The following CHD1 variants were observed in gnomAD, a reference collection of about 807,000 sequenced individuals.
CHD1 encodes the protein ATP-dependent chromatin remodeler CHD1.
CHD1 carries 36 observed loss-of-function variants against 224.2 expected under a neutral mutation model. The ratio of observed to expected loss-of-function variants is 0.16; its 90% CI spans 0.12 to 0.21. CHD1 has a LOEUF of 0.21. Among genes scored for constraint, CHD1 ranks in the 10% least tolerant of loss-of-function variants. The probability of loss-of-function intolerance (pLI) is 1.00; values close to 1 mark genes in which losing one functional copy is unlikely to be tolerated. For missense variants in CHD1, 1,378 were observed against 1,994.8 expected (o/e 0.69, Z 5.89); for synonymous variants, 668 against 658.3 (o/e 1.01, Z -0.23).
intron 23 of CHD1, among the ~76,000 whole-genome samples, chr5:98,879,169 G>A (rs1580403721): frequency 6.6e-6 from 1 of 152,212 alleles, no homozygotes; most frequent in East Asian, 1.9e-4. Context: ...GGGAGGTTAA[G>A]GTTGCAGTGA....
At chr5:98,896,107 A>G in intron 12 of CHD1, 119 bp downstream of exon 12, 2 of 805,076 alleles carry the variant, frequency 2.5e-6, no homozygotes, top group East Asian at 5.3e-5. Flanking sequence ...GTGAGCCAAG[A>G]TCATACCACT....
intron 29 of CHD1, among the ~76,000 whole-genome samples, chr5:98,870,454 GA>G (rs938627721): frequency 1.2e-4 from 18 of 145,554 alleles, no homozygotes; most frequent in South Asian, 2.2e-4. Flanking sequence ...TCTAAAACTA[GA>G]AAAAAAAAAC....
chr5:98,902,973 A>C lies in CHD1; in HGVS notation c.373-9T>G, dbSNP rs996965234. On this transcript the variant is annotated splice_polypyrimidine_tract_variant and intron_variant, in intron 4 of 35. Transcript: ENST00000614616. ...TCACTGCTAGAGGAATCCTGTAGAA[A>C]AGAAATAAAGTCAGTATCATCCACT... The C allele has an allele frequency of 6.4e-7, 1 of 1,560,076 alleles. No individual in the cohort carries two copies. The highest frequency in any genetic ancestry group is 8.8e-7 in the Non-Finnish European group (1 of 1,135,758).
At chr5:98,901,551 A>G (rs552745959) in intron 5 of CHD1, among the ~76,000 whole-genome samples, 1 of 152,306 alleles carries the variant, frequency 6.6e-6, no homozygotes, top group South Asian at 2.1e-4. Context: ...TCACTTAGTT[A>G]TACGTCAGTG....
intron 2 of CHD1, among the ~76,000 whole-genome samples, chr5:98,924,178 G>C (rs1170571972): frequency 6.6e-6 from 1 of 151,952 alleles, no homozygotes; most frequent in Non-Finnish European, 1.5e-5. Flanking sequence ...CCAGGAGGTG[G>C]AGGCAGAGGC....
Position 98,856,615 on chromosome 5 carries a change from G to A in CHD1, c.4898C>T (p.Ser1633Phe). 1.2e-6 allele frequency: 2 copies of A among 1,613,088 alleles called. No individual in the cohort carries two copies. The highest frequency in any genetic ancestry group is 1.7e-6 in the Non-Finnish European group (2 of 1,179,128). ...LKDRSHSDHR[S>F]HSDHRLHSDH... ...TGAATGTAACCGATGATCTGAGTGA[G>A]AACGATGATCAGAATGAGATCTATC... The change falls in exon 36 of 36, where the codon TCT becomes TTT. Residue 1633 changes from serine to phenylalanine, a missense_variant. This residue lies in a region of CHD1 where 278 missense variants were observed against 298.5 expected (regional missense o/e 0.93). Transcript: ENST00000614616.
intron 31 of CHD1, among the ~76,000 whole-genome samples, chr5:98,865,604 G>C (rs572465015): frequency 6.6e-6 from 1 of 152,194 alleles, no homozygotes; most frequent in Admixed American, 6.5e-5. Flanking sequence ...TTTCTTGACT[G>C]CTAAATTATA....
chr5:98,896,610 A>G (rs1462186029), intron 11 of CHD1, among the ~76,000 whole-genome samples, 168 bp from the exon 12 acceptor site: 3 of 152,172 alleles, frequency 2.0e-5, no homozygotes, highest in Non-Finnish European at 2.9e-5. Flanking sequence ...GTATCTGGCT[A>G]AAGACTTAAT....
intron 1 of CHD1, among the ~76,000 whole-genome samples, 160 bp from the exon 2 acceptor site, chr5:98,926,694 A>G (rs1405925347): frequency 6.6e-6 from 1 of 152,148 alleles, no homozygotes; most frequent in Non-Finnish European, 1.5e-5. Context: ...TAGACTTGTA[A>G]TAACTACACT....
At chr5:98,878,071 A>G (rs1459770530) in intron 23 of CHD1, among the ~76,000 whole-genome samples, 2 of 152,210 alleles carry the variant, frequency 1.3e-5, no homozygotes, top group East Asian at 3.8e-4. Flanking sequence ...AGCAGGTAAG[A>G]GGAGATCAGC....
intron 12 of CHD1, among the ~76,000 whole-genome samples, chr5:98,895,248 TATTTA>T (rs1303593100): frequency 6.6e-6 from 1 of 150,470 alleles, no homozygotes; most frequent in Non-Finnish European, 1.5e-5. Context: ...GAAAAGGTCT[TATTTA>T]AGAAAACATA....
chr5:98,893,675 T>G, intron 13 of CHD1, 69 bp from the exon 14 acceptor site: 1 of 900,022 alleles, frequency 1.1e-6, no homozygotes, highest in Non-Finnish European at 1.7e-6. Context: ...CCATTTAATC[T>G]GAACTCAATT....
Position 98,872,611 on chromosome 5 carries a change from A to G in CHD1, c.3572-56T>C. The G allele has an allele frequency of 3.5e-6, 5 of 1,428,142 alleles. No homozygotes were observed. The South Asian group carries it at 5.9e-5, about 17-fold the overall frequency. 88.5% of individuals were successfully genotyped at this position (1,428,142 alleles called of 1,614,324 possible). Reference sequence around the variant, plus strand: ...TAAAAGTATAAAACATAATTCTACAAAACACCAAGCAACTGATGCTATTAC... The same window carrying G: ...TAAAAGTATAAAACATAATTCTACAGAACACCAAGCAACTGATGCTATTAC... On this transcript the variant is annotated intron_variant, in intron 26 of 35. Transcript: ENST00000614616.
intron 2 of CHD1, among the ~76,000 whole-genome samples, chr5:98,910,395 T>A (rs1752314537): frequency 6.6e-6 from 1 of 152,148 alleles, no homozygotes; most frequent in African/African-American, 2.4e-5. Context: ...TAAAGTCAGG[T>A]AAAATAATTT....
chr5:98,905,266 G>A (rs1751969379), intron 2 of CHD1, among the ~76,000 whole-genome samples, 168 bp from the exon 3 acceptor site: 1 of 152,086 alleles, frequency 6.6e-6, no homozygotes. Flanking sequence ...AGTAACAACT[G>A]CCATAGTTGA....
chr5:98,873,523 C>G, intron 26 of CHD1, 70 bp downstream of exon 26: 1 of 1,192,212 alleles, frequency 8.4e-7, no homozygotes, highest in Non-Finnish European at 1.1e-6. Flanking sequence ...GATATAATAT[C>G]TAGCTCAATA....
intron 8 of CHD1, 81 bp from the exon 9 acceptor site, chr5:98,898,845 T>G: frequency 2.6e-6 from 2 of 763,952 alleles, no homozygotes; most frequent in East Asian, 5.0e-5. Flanking sequence ...ACACTATTTG[T>G]AGCACAAAAT....
At position 98,867,795 on chromosome 5, in the gene CHD1, GTT is replaced by G. The variant is rs71619163; in HGVS notation, c.4248+698_4248+699del. 4.0e-4 allele frequency among the ~76,000 whole-genome samples: 39 copies of G among 98,056 alleles called. 1 individual carries two copies. Among genetic ancestry groups the G allele is most frequent in the Admixed American group, 2.1e-3 (17 of 7,920 alleles). 64.3% of individuals were successfully genotyped at this position (98,056 alleles called of 152,430 possible). On this transcript the variant is annotated intron_variant, in intron 31 of 35. Transcript: ENST00000614616. ...ACCTTGGCCTCCTTTTATCTTCCTTGTTTTTTTTTTTTTTTTTTTTTTTGAGA... is the reference window on the plus strand; with the variant it reads ...ACCTTGGCCTCCTTTTATCTTCCTTGTTTTTTTTTTTTTTTTTTTTTGAGA...
Position 98,918,770 on chromosome 5 carries a change from A to AC in CHD1, c.53+7563_53+7564insG, listed in dbSNP as rs1554082142. 2.6e-3 allele frequency among the ~76,000 whole-genome samples: 214 copies of AC among 81,662 alleles called. 1 individual carries two copies. The highest frequency in any genetic ancestry group is 9.7e-3 in the African/African-American group (207 of 21,408). The allele number at this position is 81,662 out of a possible 152,430, so 53.6% of individuals were successfully genotyped here. ...AGACTCTTCAAAAAAAAAAAAAAAC[A>AC]AAAAAAAAAACTTCCTCTCCAACAC... On this transcript the variant is annotated intron_variant, in intron 2 of 35. Coordinates refer to ENST00000614616, the MANE Select transcript of CHD1 (RefSeq NM_001270.4).
Sources: gnomAD v4.1 joint callset for allele counts (sites outside exome capture counted in the v4.1 genomes callset) on GRCh38, gnomAD v4.1.1 for gene constraint, gnomAD v4.1.1 regional missense constraint, MANE v1.5 for transcripts, NCBI Gene and HGNC (gene_info 2026-07-23, HGNC 2026-07-21) for gene names.